Variants in DPYSL5 observed in about 807,000 individuals in gnomAD.
DPYSL5 encodes dihydropyrimidinase like 5, also known as dihydropyrimidinase-related protein 5.
A neutral mutation model predicts 58.4 loss-of-function variants in DPYSL5; 9 were observed. The observed-to-expected ratio is 0.15, with a 90% CI of 0.09 to 0.27. DPYSL5 has a LOEUF of 0.27. DPYSL5 is among the 10% of genes least tolerant of loss of function. The pLI, the probability that DPYSL5 is intolerant of heterozygous loss-of-function variation, is 1.00. For synonymous variants in DPYSL5, 293 were observed against 301.9 expected (o/e 0.97, Z 0.31); for missense variants, 499 against 770.6 (o/e 0.65, Z 4.17).
intron 1 of DPYSL5, among the ~76,000 whole-genome samples, chr2:26,888,254 T>TTTC (rs1663776743): frequency 6.7e-6 from 1 of 150,086 alleles, no homozygotes; most frequent in Non-Finnish European, 1.5e-5. Context: ...TCTTTCTTTC[T>TTTC]TTCTTTCTTT....
upstream of DPYSL5, chr2:26,848,020 G>A (rs1257626029): frequency 6.6e-6 from 1 of 152,050 alleles, no homozygotes; most frequent in Non-Finnish European, 1.5e-5. Flanking sequence ...GCTAGCTGAG[G>A]TGGGGAGCGG....
In DPYSL5 at chr2:26,942,416, CAGA is replaced by C; in HGVS notation, c.1233-122_1233-120del. On this transcript the variant is annotated intron_variant, in intron 10 of 12. Transcript: ENST00000288699. This position sits in a 1 kb window ranked among gnomAD's most constrained non-coding sequence, Gnocchi z 5.9. The stretch of plus-strand genomic sequence containing the variant: ...GAGGTTCTGGGTGTTAGAACTTCAG[CAGA>C]AGAATTTTGAAGGGAGCCAATTCAA... The C allele has an allele frequency of 3.6e-6, 4 of 1,099,458 alleles. No homozygotes were observed. Among genetic ancestry groups the C allele is most frequent in the Non-Finnish European group, 3.9e-6 (3 of 765,232 alleles). The allele number at this position is 1,099,458 out of a possible 1,614,324, so 68.1% of individuals were successfully genotyped here.
At chr2:26,935,124 C>G (rs1023308110) in intron 8 of DPYSL5, among the ~76,000 whole-genome samples, 14 of 152,248 alleles carry the variant, frequency 9.2e-5, no homozygotes, top group African/African-American at 2.9e-4. Flanking sequence ...CTCCCGTGTG[C>G]CCCTTGTCTG....
At position 26,897,605 on chromosome 2, in the gene DPYSL5, T is replaced by C. The variant is rs114855902; in HGVS notation, c.-4-891T>C. Among the ~76,000 whole-genome samples the C allele has an allele frequency of 5.7e-3, 870 of 152,352 alleles. 4 individuals carry two copies. The highest frequency in any genetic ancestry group is 7.7e-3 in the Non-Finnish European group (522 of 68,026). The stretch of plus-strand genomic sequence containing the variant: ...TTTATATCTATATTCACGAGAGATA[T>C]TGCTCTGTAGTTTTCTTTCTGTAGT... On this transcript the variant is annotated intron_variant, in intron 1 of 12. Transcript: ENST00000288699.
rs1665118183 is a variant in DPYSL5 at position 26,934,351 on chromosome 2, T to C, written c.791-227T>C. 6.6e-6 allele frequency among the ~76,000 whole-genome samples: 1 copy of C among 152,198 alleles called. No individual in the cohort carries two copies. On this transcript the variant is annotated intron_variant, in intron 7 of 12. Transcript: ENST00000288699. The surrounding 1 kb of genome is among the most constrained non-coding windows in gnomAD (Gnocchi z 4.3). ...GACTCCTCAAAGTGCCGCTTGGTCC[T>C]GCTGGGCCTCGGTGCCCATGTCCCT...
At position 26,928,697 on chromosome 2, in the gene DPYSL5, A is replaced by ATG. The variant is rs1356549327; in HGVS notation, c.669+375_669+376insGT. Among the ~76,000 whole-genome samples, 15 of 83,270 alleles carry ATG rather than the reference A, an allele frequency of 1.8e-4. 2 individuals are homozygous for ATG. Among genetic ancestry groups the ATG allele is most frequent in the Non-Finnish European group, 2.6e-5 (1 of 38,706 alleles). The allele number at this position is 83,270 out of a possible 152,430, so 54.6% of individuals were successfully genotyped here. On this transcript the variant is annotated intron_variant, in intron 5 of 12. Coordinates refer to ENST00000288699, the MANE Select transcript of DPYSL5 (RefSeq NM_020134.4). ...AGCCAAGGTGATAGAGTATATATAT[A>ATG]TATATATACACACACACACATACAT... is the stretch of plus-strand genomic sequence containing the variant.
intron 1 of DPYSL5, among the ~76,000 whole-genome samples, chr2:26,867,935 A>G (rs1454641676): frequency 6.6e-6 from 1 of 152,004 alleles, no homozygotes; most frequent in African/African-American, 2.4e-5. Context: ...GCAATAATTC[A>G]CGTTTCCACC....
At chr2:26,912,169 C>T (rs929604877) in intron 2 of DPYSL5, among the ~76,000 whole-genome samples, 1 of 152,204 alleles carries the variant, frequency 6.6e-6, no homozygotes, top group African/African-American at 2.4e-5. Flanking sequence ...TTTGAAGGCC[C>T]CTCGGGCAGA....
intron 1 of DPYSL5, among the ~76,000 whole-genome samples, chr2:26,884,986 G>A (rs1663677714): frequency 6.6e-6 from 1 of 152,078 alleles, no homozygotes; most frequent in Non-Finnish European, 1.5e-5. Flanking sequence ...ATCACCTGAA[G>A]TCAGGAGTTA....
intron 5 of DPYSL5, among the ~76,000 whole-genome samples, chr2:26,931,311 A>T (rs1045305869): frequency 6.7e-6 from 1 of 148,990 alleles, no homozygotes. Flanking sequence ...ATCAGCCACT[A>T]TTTCTCCTTT....
At chr2:26,901,786 C>G (rs1664164690) in intron 2 of DPYSL5, among the ~76,000 whole-genome samples, 1 of 151,144 alleles carries the variant, frequency 6.6e-6, no homozygotes, top group Admixed American at 6.6e-5. Context: ...CCGCCCCACC[C>G]CAGCTAGCGT....
intron 1 of DPYSL5, among the ~76,000 whole-genome samples, chr2:26,893,707 G>A (rs986153000): frequency 7.2e-5 from 11 of 152,132 alleles, no homozygotes; most frequent in African/African-American, 2.7e-4. Context: ...ATGACTGATA[G>A]GACTGTCTTT....
chr2:26,927,138 C>T lies in DPYSL5; in HGVS notation c.421-115C>T, dbSNP rs922101037. On this transcript the variant is annotated intron_variant, in intron 3 of 12. Transcript: ENST00000288699. This position sits in a 1 kb window ranked among gnomAD's most constrained non-coding sequence, Gnocchi z 4.3. Reference sequence around the variant, plus strand: ...GAGATAGAGAGGTGTGGGGGGTCAACCGACAGACTGAGCTGGGGCAGGCCC... The same window carrying T: ...GAGATAGAGAGGTGTGGGGGGTCAATCGACAGACTGAGCTGGGGCAGGCCC... 8.8e-7 allele frequency: 1 copy of T among 1,135,182 alleles called. No individual in the cohort carries two copies. Among genetic ancestry groups the T allele is most frequent in the Non-Finnish European group, 1.2e-6 (1 of 810,138 alleles). 70.3% of individuals were successfully genotyped at this position (1,135,182 alleles called of 1,614,324 possible).
intron 12 of DPYSL5, among the ~76,000 whole-genome samples, chr2:26,946,428 A>G (rs1379737404): frequency 2.0e-5 from 3 of 150,916 alleles, no homozygotes; most frequent in Non-Finnish European, 4.4e-5. Context: ...TTTTTTTTCA[A>G]TCCTTCTCCT....
intron 1 of DPYSL5, among the ~76,000 whole-genome samples, chr2:26,897,424 A>G (rs1160324234): frequency 6.6e-6 from 1 of 151,926 alleles, no homozygotes; most frequent in African/African-American, 2.4e-5. Flanking sequence ...CGATTTTATG[A>G]TTTTTCTTCC....
In DPYSL5 at chr2:26,934,500, G is replaced by A. The variant is rs1665121913; in HGVS notation, c.791-78G>A. 1 of 1,535,584 alleles carries A rather than the reference G, an allele frequency of 6.5e-7. No homozygotes were observed. On this transcript the variant is annotated intron_variant, in intron 7 of 12. Coordinates refer to ENST00000288699, the MANE Select transcript of DPYSL5 (RefSeq NM_020134.4). The surrounding 1 kb of genome is among the most constrained non-coding windows in gnomAD (Gnocchi z 4.3). ...GTCTCTGACCTCAGCTCCTTCACCT[G>A]TAAAATGAGAGGCACACACCAGCGA...
At chr2:26,852,836 T>A (rs1320809915) in intron 1 of DPYSL5, among the ~76,000 whole-genome samples, 3 of 152,188 alleles carry the variant, frequency 2.0e-5, no homozygotes, top group Admixed American at 1.3e-4. Flanking sequence ...GGCTTACATG[T>A]GTTAATGGTT....
intron 1 of DPYSL5, among the ~76,000 whole-genome samples, chr2:26,876,973 T>C (rs1663425831): frequency 6.7e-6 from 1 of 149,786 alleles, no homozygotes; most frequent in Non-Finnish European, 1.5e-5. Flanking sequence ...TTTTTTTTTT[T>C]TTTTTTTTTT....
Position 26,933,552 on chromosome 2 carries a change from T to TAACA in DPYSL5, c.790+220_790+223dup, listed in dbSNP as rs1221656350. Among the ~76,000 whole-genome samples the TAACA allele has an allele frequency of 6.6e-6, 1 of 152,250 alleles. No individual in the cohort carries two copies. Among genetic ancestry groups the TAACA allele is most frequent in the Non-Finnish European group, 1.5e-5 (1 of 68,050 alleles). ...TTTTTCTTCTGCAAATTTGTATGCA[T>TAACA]AACAGCTTTACGGAAGTGTCTGTCA... On this transcript the variant is annotated intron_variant, in intron 7 of 12. Coordinates refer to ENST00000288699, the MANE Select transcript of DPYSL5 (RefSeq NM_020134.4). The surrounding 1 kb of genome is among the most constrained non-coding windows in gnomAD (Gnocchi z 4.2).
Sources: allele counts gnomAD v4.1 joint callset (sites outside exome capture counted in the v4.1 genomes callset), GRCh38; gene constraint gnomAD v4.1.1; non-coding constraint Gnocchi (gnomAD v3.1); transcripts MANE v1.5; gene names NCBI Gene and HGNC (gene_info 2026-07-23, HGNC 2026-07-21).